Variants in PDGFD observed in about 807,000 individuals in gnomAD.
The protein encoded by PDGFD is platelet-derived growth factor D.
In PDGFD, 30 loss-of-function variants were observed where a neutral mutation model predicts 44.7. That is an observed-to-expected ratio of 0.67 (90% CI 0.50 to 0.91). The LOEUF is 0.91. PDGFD is among the 40% of genes least tolerant of loss of function. PDGFD has a pLI of 0.00. For missense variants in PDGFD, 445 were observed against 457.8 expected (o/e 0.97, Z 0.25); for synonymous variants, 173 against 168.4 (o/e 1.03, Z -0.21).
At chr11:104,057,402 G>A (rs575014296) in intron 1 of PDGFD, among the ~76,000 whole-genome samples, 74 of 152,062 alleles carry the variant, frequency 4.9e-4, no homozygotes, top group Non-Finnish European at 3.2e-4. Context: ...CAGACCATTC[G>A]TCTAAGCAAA....
intron 1 of PDGFD, among the ~76,000 whole-genome samples, chr11:104,080,875 T>C (rs1255392286): frequency 1.3e-5 from 2 of 152,286 alleles, no homozygotes; most frequent in South Asian, 2.1e-4. Context: ...CAAGCAACCC[T>C]GAGGAGAAGA....
intron 2 of PDGFD, among the ~76,000 whole-genome samples, chr11:103,997,214 T>C (rs1195283248): frequency 6.6e-6 from 1 of 152,182 alleles, no homozygotes; most frequent in East Asian, 1.9e-4. Flanking sequence ...TGACTTCAGA[T>C]GCTGAGGTCA....
At chr11:104,056,366 A>G (rs1860616693) in intron 1 of PDGFD, among the ~76,000 whole-genome samples, 1 of 152,152 alleles carries the variant, frequency 6.6e-6, no homozygotes, top group Admixed American at 6.5e-5. Flanking sequence ...ATAACTGTGG[A>G]TGGGACCCTA....
rs372137001 is a variant in PDGFD at position 104,025,951 on chromosome 11, G to A, written c.125-25696C>T. Reference sequence around the variant, plus strand: ...CACATATCTGTTAGGCACCACATGGGCTCTCTACAAAGGCCCTCAGATGGT... The same window carrying A: ...CACATATCTGTTAGGCACCACATGGACTCTCTACAAAGGCCCTCAGATGGT... On this transcript the variant is annotated intron_variant, in intron 1 of 6. Coordinates refer to ENST00000393158, the MANE Select transcript of PDGFD (RefSeq NM_025208.5). Among the ~76,000 whole-genome samples, 53 of 152,242 alleles carry A rather than the reference G, an allele frequency of 3.5e-4. No homozygotes were observed. The South Asian group carries it at 9.4e-3, about 27-fold the overall frequency.
intron 5 of PDGFD, among the ~76,000 whole-genome samples, chr11:103,935,079 G>C (rs1030351994): frequency 1.3e-5 from 2 of 152,134 alleles, no homozygotes; most frequent in Non-Finnish European, 2.9e-5. Flanking sequence ...TAATTGCAGT[G>C]GAAAATGCAC....
chr11:104,149,629 A>G (rs1862213943), intron 1 of PDGFD, among the ~76,000 whole-genome samples: 1 of 152,106 alleles, frequency 6.6e-6, no homozygotes, highest in African/African-American at 2.4e-5. Context: ...CATTTGTTGT[A>G]GTGCACTTGT....
chr11:103,961,936 C>A (rs986803177), intron 3 of PDGFD, among the ~76,000 whole-genome samples: 1 of 152,174 alleles, frequency 6.6e-6, no homozygotes, highest in South Asian at 2.1e-4. Flanking sequence ...ATAGCCACAT[C>A]TTCACCTCCT....
At chr11:104,118,805 A>ATATAATATATTATATAT (rs1861683686) in intron 1 of PDGFD, among the ~76,000 whole-genome samples, 1 of 104,170 alleles carries the variant, frequency 9.6e-6, no homozygotes, top group African/African-American at 3.9e-5. Flanking sequence ...AAATATTAAT[A>ATATAATATATTATATAT]TATAATATAT....
At chr11:104,112,469 C>T (rs1396436852) in intron 1 of PDGFD, among the ~76,000 whole-genome samples, 1 of 151,984 alleles carries the variant, frequency 6.6e-6, no homozygotes, top group African/African-American at 2.4e-5. Context: ...GTGGCAGCTC[C>T]TCAAAGACAT....
At chr11:104,160,635 A>T (rs1239911888) in intron 1 of PDGFD, among the ~76,000 whole-genome samples, 1 of 152,204 alleles carries the variant, frequency 6.6e-6, no homozygotes, top group Non-Finnish European at 1.5e-5. Flanking sequence ...AGGAAATGTA[A>T]ACATTCTATT....
rs376230679 is a variant in PDGFD at position 104,060,852 on chromosome 11, T to C, written c.125-60597A>G. ...ATTTTTAAAAAACTGGAGTAAAATA[T>C]ACATCACAAAATTTGCCATTTTAAC... On this transcript the variant is annotated intron_variant, in intron 1 of 6. Coordinates refer to ENST00000393158, the MANE Select transcript of PDGFD (RefSeq NM_025208.5). Among the ~76,000 whole-genome samples, 77 of 152,340 alleles carry C rather than the reference T, an allele frequency of 5.1e-4. 5 individuals carry two copies. In the South Asian group the frequency reaches 6.8e-3, roughly 14 times the overall value.
chr11:103,952,797 A>G (rs1858779009), intron 3 of PDGFD, among the ~76,000 whole-genome samples: 1 of 152,002 alleles, frequency 6.6e-6, no homozygotes, highest in Admixed American at 6.6e-5. Context: ...CCTCAGCTTA[A>G]CTCCTCACAT....
Position 103,926,999 on chromosome 11 carries a change from C to G in PDGFD, c.900G>C (p.Gln300His). The G allele has an allele frequency of 6.2e-7, 1 of 1,614,206 alleles. No homozygotes were observed. The highest frequency in any genetic ancestry group is 1.1e-5 in the South Asian group (1 of 91,084). Residue 300 changes from glutamine to histidine, a missense_variant, in exon 6 of 7, where the codon CAG (glutamine) becomes CAC (histidine). Coordinates refer to ENST00000393158, the MANE Select transcript of PDGFD (RefSeq NM_025208.5). The part of the protein sequence containing the change: ...VVFFPRCLLV[Q>H]RCGGNCGCGT... ...CACAGCCACAATTTCCTCCACAGCG[C>G]TGCACGAGGAGGCAACGTGGAAAGA...
chr11:104,007,831 A>G (rs886715348), intron 1 of PDGFD, among the ~76,000 whole-genome samples: 11 of 152,266 alleles, frequency 7.2e-5, no homozygotes, highest in Admixed American at 2.0e-4. Context: ...GTTGCTAAAC[A>G]ACCACAGTAA....
At chr11:104,084,747 TTATA>T (rs1462091934) in intron 1 of PDGFD, among the ~76,000 whole-genome samples, 1 of 118,778 alleles carries the variant, frequency 8.4e-6, no homozygotes, top group African/African-American at 3.3e-5. Flanking sequence ...ATGTAATATA[TTATA>T]GTTTATATAT....
chr11:104,033,980 C>A (rs2134391688), intron 1 of PDGFD, among the ~76,000 whole-genome samples: 1 of 152,046 alleles, frequency 6.6e-6, no homozygotes. Context: ...AAAAAATAAT[C>A]CTTATATGAT....
chr11:104,000,303 A>G (rs1591115031), intron 1 of PDGFD, 48 bp from the exon 2 acceptor site: 2 of 1,498,242 alleles, frequency 1.3e-6, no homozygotes, highest in Non-Finnish European at 9.3e-7. Flanking sequence ...CTCCAATTAC[A>G]GGAAAGTCAA....
Position 104,102,455 on chromosome 11 carries a change from T to C in PDGFD, c.124+61349A>G, listed in dbSNP as rs562281679. ...AGGTGCTGGAGAGGATGTGGAGAAA[T>C]AGGAACACTTTTACACTGTTGGTGG... On this transcript the variant is annotated intron_variant, in intron 1 of 6. Coordinates refer to ENST00000393158, the MANE Select transcript of PDGFD (RefSeq NM_025208.5). Among the ~76,000 whole-genome samples the C allele has an allele frequency of 1.2e-3, 179 of 152,148 alleles. 3 individuals are homozygous for C. In the South Asian group the frequency reaches 0.015, roughly 13 times the overall value.
At chr11:103,999,369 T>C (rs1859585010) in intron 2 of PDGFD, among the ~76,000 whole-genome samples, 1 of 152,220 alleles carries the variant, frequency 6.6e-6, no homozygotes, top group Non-Finnish European at 1.5e-5. Flanking sequence ...AGTAAAATGC[T>C]GTGAGCGGAC....
Sources: gnomAD v4.1 joint callset for allele counts (sites outside exome capture counted in the v4.1 genomes callset) on GRCh38, gnomAD v4.1.1 for gene constraint, MANE v1.5 for transcripts, NCBI Gene and HGNC (gene_info 2026-07-23, HGNC 2026-07-21) for gene names.